The following ACTR10 variants were observed in gnomAD, a reference collection of about 807,000 sequenced individuals.
ACTR10 encodes the protein actin related protein 10, also known as actin-related protein 10.
Under a neutral mutation model 56.2 loss-of-function variants are expected in ACTR10, and 43 were observed. That is an observed-to-expected ratio of 0.77 (90% CI 0.60 to 0.99). The LOEUF (loss-of-function observed/expected upper bound fraction) is 0.99, where lower values mean the gene tolerates loss of function less well. Ranked by LOEUF, ACTR10 falls within the 50% of genes least tolerant of loss-of-function variation. The pLI is 0.00. For missense variants in ACTR10, 466 were observed against 507.8 expected (o/e 0.92, Z 0.79); for synonymous variants, 170 against 176.3 (o/e 0.96, Z 0.28).
intron 4 of ACTR10, among the ~76,000 whole-genome samples, chr14:58,209,552 C>A (rs1181139408): frequency 6.6e-6 from 1 of 151,964 alleles, no homozygotes; most frequent in Non-Finnish European, 1.5e-5. Flanking sequence ...TGAATTTTGT[C>A]ATTTTAGGCT....
intron 12 of ACTR10, 79 bp from the exon 13 acceptor site, chr14:58,234,291 G>A: frequency 8.0e-7 from 1 of 1,243,658 alleles, no homozygotes; most frequent in East Asian, 2.5e-5. Flanking sequence ...TTGTCATATA[G>A]TGAAGTAGAT....
intron 12 of ACTR10, among the ~76,000 whole-genome samples, 169 bp downstream of exon 12, chr14:58,232,436 C>T (rs541677008): frequency 6.3e-4 from 55 of 86,636 alleles, no homozygotes; most frequent in South Asian, 1.5e-3. Flanking sequence ...TTTTTTGAGA[C>T]GGAGTCTCAC....
chr14:58,208,630 G>A (rs184041450), intron 3 of ACTR10, among the ~76,000 whole-genome samples: 1 of 151,736 alleles, frequency 6.6e-6, no homozygotes, highest in East Asian at 1.9e-4. Context: ...GAGATCAGGG[G>A]ATGGCTTGAA....
intron 8 of ACTR10, 77 bp from the exon 9 acceptor site, chr14:58,223,545 G>C: frequency 8.8e-7 from 1 of 1,142,024 alleles, no homozygotes. Context: ...GAATAGAATT[G>C]TTTTAACTGG....
intron 10 of ACTR10, among the ~76,000 whole-genome samples, chr14:58,225,598 T>C (rs931639788): frequency 6.6e-6 from 1 of 152,212 alleles, no homozygotes; most frequent in African/African-American, 2.4e-5. Context: ...ATTTAAGTTA[T>C]ATTTATTAAA....
chr14:58,213,819 C>A, intron 6 of ACTR10, 121 bp downstream of exon 6: 1 of 669,332 alleles, frequency 1.5e-6, no homozygotes, highest in Non-Finnish European at 2.4e-6. Flanking sequence ...TTATTCATTC[C>A]GCCCTCTATT....
intron 6 of ACTR10, 44 bp from the exon 7 acceptor site, chr14:58,215,161 G>C: frequency 8.2e-7 from 1 of 1,217,240 alleles, no homozygotes; most frequent in Non-Finnish European, 1.2e-6. Flanking sequence ...AAGGATATCA[G>C]TTTCAATATT....
At chr14:58,228,399 G>A (rs372537073) in intron 10 of ACTR10, among the ~76,000 whole-genome samples, 1 of 152,016 alleles carries the variant, frequency 6.6e-6, no homozygotes, top group Non-Finnish European at 1.5e-5. Flanking sequence ...CGGGCAGATC[G>A]CTTGAGGCCA....
At chr14:58,217,665 C>CAA (rs1387060445) in intron 7 of ACTR10, among the ~76,000 whole-genome samples, 1 of 76,634 alleles carries the variant, frequency 1.3e-5, no homozygotes, top group Non-Finnish European at 2.8e-5. Context: ...GACTCCGTCT[C>CAA]AAAAAAAAAA....
At chr14:58,229,514 T>G (rs1889479695) in intron 10 of ACTR10, among the ~76,000 whole-genome samples, 1 of 151,658 alleles carries the variant, frequency 6.6e-6, no homozygotes, top group South Asian at 2.1e-4. Context: ...CCGTCTCTAC[T>G]AAAAATACAA....
At chr14:58,219,562 C>T in intron 7 of ACTR10, 132 bp from the exon 8 acceptor site, 1 of 523,866 alleles carries the variant, frequency 1.9e-6, no homozygotes, top group Non-Finnish European at 3.2e-6. Flanking sequence ...TTCTGTTAGA[C>T]TTTTTGAGAA....
intron 7 of ACTR10, among the ~76,000 whole-genome samples, chr14:58,217,612 G>T (rs1889163790): frequency 6.6e-6 from 1 of 151,132 alleles, no homozygotes; most frequent in Non-Finnish European, 1.5e-5. Flanking sequence ...ATTGCAGTGA[G>T]CCGAGATCGA....
intron 10 of ACTR10, among the ~76,000 whole-genome samples, chr14:58,227,480 A>G (rs1199839005): frequency 6.6e-6 from 1 of 152,268 alleles, no homozygotes; most frequent in Non-Finnish European, 1.5e-5. Context: ...CAACATTCAT[A>G]GAAAGAACAA....
At chr14:58,228,870 C>A (rs1366326957) in intron 10 of ACTR10, among the ~76,000 whole-genome samples, 1 of 151,656 alleles carries the variant, frequency 6.6e-6, no homozygotes, top group Non-Finnish European at 1.5e-5. Flanking sequence ...AATGTTTTAA[C>A]TAGTGGGATG....
At chr14:58,221,206 C>T (rs766713289) in intron 8 of ACTR10, among the ~76,000 whole-genome samples, 10 of 150,900 alleles carry the variant, frequency 6.6e-5, no homozygotes, top group Non-Finnish European at 1.3e-4. Flanking sequence ...TTGCTTGAAC[C>T]TGGGAGGCGG....
intron 12 of ACTR10, among the ~76,000 whole-genome samples, chr14:58,233,982 G>A (rs915752506): frequency 6.6e-6 from 1 of 152,104 alleles, no homozygotes; most frequent in African/African-American, 2.4e-5. Flanking sequence ...TGTTTATTGG[G>A]TTTTGCAGTA....
intron 2 of ACTR10, among the ~76,000 whole-genome samples, chr14:58,203,238 G>C (rs1341550395): frequency 1.4e-5 from 2 of 143,210 alleles, no homozygotes; most frequent in African/African-American, 5.1e-5. Flanking sequence ...GGAGGCGGAG[G>C]TTGCAGTGAG....
chr14:58,207,904 A>G (rs1594804487), intron 2 of ACTR10, 32 bp from the exon 3 acceptor site: 11 of 1,215,404 alleles, frequency 9.1e-6, no homozygotes, highest in African/African-American at 4.9e-5. Context: ...TTTTATTAAT[A>G]TAAATTAATA....
chr14:58,202,575 C>G (rs2140040111), intron 1 of ACTR10, among the ~76,000 whole-genome samples: 1 of 151,368 alleles, frequency 6.6e-6, no homozygotes, highest in South Asian at 2.1e-4. Context: ...CAGAGCCAGA[C>G]TCCATCTCAA....
Sources: gnomAD v4.1 joint callset for allele counts (sites outside exome capture counted in the v4.1 genomes callset) on GRCh38, gnomAD v4.1.1 for gene constraint, MANE v1.5 for transcripts, NCBI Gene and HGNC (gene_info 2026-07-23, HGNC 2026-07-21) for gene names.